The following HELZ2 variants were observed in gnomAD, a reference collection of about 807,000 sequenced individuals.
HELZ2 encodes the protein 3'-5' exoribonuclease HELZ2.
HELZ2 carries 143 observed loss-of-function variants against 208.8 expected under a neutral mutation model. The observed-to-expected ratio is 0.68, with a 90% CI of 0.60 to 0.79. The LOEUF is 0.79. HELZ2 is among the 30% of genes least tolerant of loss of function. HELZ2 has a pLI of 0.00. For synonymous variants in HELZ2, 1,705 were observed against 1,693.7 expected, an observed-to-expected ratio of 1.01 and a Z score of -0.16; for missense variants, 3,690 against 3,794.5, an observed-to-expected ratio of 0.97 and a Z score of 0.72.
intron 3 of HELZ2, chr20:63,570,190 C>A (rs1039390265): frequency 1.9e-6 from 1 of 522,436 alleles, no homozygotes; most frequent in East Asian, 5.1e-5. Context: ...GAACTCCCGA[C>A]CTCAGGTGAT....
In HELZ2 at chr20:63,569,117, ACCCCAGCTGCTCCTGTTGC is replaced by A. The variant is rs781037006; in HGVS notation, c.1088+12_1088+30del. The A allele has an allele frequency of 1.3e-6, 2 of 1,576,878 alleles. No homozygotes were observed. Among genetic ancestry groups the A allele is most frequent in the Non-Finnish European group, 8.6e-7 (1 of 1,163,554 alleles). Reference sequence around the variant, plus strand: ...TCCCATTGCCCCAGCTGCTCCTGCTACCCCAGCTGCTCCTGTTGCCCCCAGCTCACTTGGCCACCAGCTG... The same window carrying A: ...TCCCATTGCCCCAGCTGCTCCTGCTACCCCAGCTCACTTGGCCACCAGCTG... On this transcript the variant is annotated intron_variant, in intron 4 of 18. Transcript: ENST00000467148.
exon 8 of HELZ2, chr20:63,565,224 G>A: frequency 1.2e-6 from 2 of 1,608,232 alleles, no homozygotes; most frequent in South Asian, 1.1e-5. Flanking sequence ...GCCAGCTCGT[G>A]CCTCTTCCTC....
At chr20:63,566,636 G>T (rs2082962037) in intron 6 of HELZ2, among the ~76,000 whole-genome samples, 183 bp from the exon 8 acceptor site, 1 of 152,130 alleles carries the variant, frequency 6.6e-6, no homozygotes, top group Non-Finnish European at 1.5e-5. Flanking sequence ...ACGCAGTGAG[G>T]ACTGGGCCAC....
At chr20:63,560,895 G>A (rs1443072295) in exon 15 of HELZ2, 2 of 1,612,972 alleles carry the variant, frequency 1.2e-6, no homozygotes, top group Admixed American at 3.3e-5. Flanking sequence ...CTTGACCACA[G>A]GCCGCAGCTG....
exon 6 of HELZ2, chr20:63,567,455 G>T (rs369045635): frequency 1.3e-6 from 2 of 1,558,302 alleles, no homozygotes; most frequent in Non-Finnish European, 1.7e-6. Flanking sequence ...AGCTCTGCCC[G>T]TGTGGGCGGG....
At chr20:63,560,078 C>T (rs749001179) in exon 18 of HELZ2, 19 of 1,603,728 alleles carry the variant, frequency 1.2e-5, no homozygotes, top group Non-Finnish European at 1.6e-5. Context: ...CTCACCAGCA[C>T]ATAGCGCCAC....
rs930772516 is a variant in HELZ2 at position 63,562,454 on chromosome 20, C to G, written c.6302+66G>C. The stretch of plus-strand genomic sequence containing the variant: ...AGGGGCTGCTGCCCCACGAGCTCCC[C>G]CCTCCTGCAAGTGAGGGGCCCGGGG... On this transcript the variant is annotated intron_variant, in intron 8 of 18. Coordinates refer to ENST00000467148, the Ensembl canonical transcript of HELZ2. The G allele has an allele frequency of 1.0e-5, 16 of 1,528,112 alleles. No homozygotes were observed. The African/African-American group carries it at 1.7e-4, about 16-fold the overall frequency. The allele number at this position is 1,528,112 out of a possible 1,614,324, so 94.7% of individuals were successfully genotyped here.
In HELZ2 at chr20:63,566,329, C is replaced by T. The variant is rs76040767; in HGVS notation, c.2590+49G>A. On this transcript the variant is annotated intron_variant, in intron 7 of 18. Transcript: ENST00000467148. The stretch of plus-strand genomic sequence containing the variant: ...AGGCTGAGGAGTGGGCCGAGCCACC[C>T]GGGGTATCCTGGGGCAGCTGGCAGC... 3.4e-4 allele frequency: 515 copies of T among 1,532,266 alleles called. 7 individuals are homozygous for T. In the East Asian group the frequency reaches 0.01, roughly 30 times the overall value. 94.9% of individuals were successfully genotyped at this position (1,532,266 alleles called of 1,614,324 possible).
intron 3 of HELZ2, 160 bp downstream of exon 4, chr20:63,570,344 C>A: frequency 1.4e-6 from 1 of 723,074 alleles, no homozygotes. Flanking sequence ...GGTGAGGAGA[C>A]TGAGGCAGAG....
Position 63,561,504 on chromosome 20 carries a change from G to C in HELZ2, c.6837-38C>G, listed in dbSNP as rs1325017307. On this transcript the variant is annotated intron_variant, in intron 12 of 18. Transcript: ENST00000467148. Reference sequence around the variant, plus strand: ...ACACAGTGAGCCCTGTCCACGCAGGGCCATCACGGGGGCAGAGCTCAGTGA... The same window carrying C: ...ACACAGTGAGCCCTGTCCACGCAGGCCCATCACGGGGGCAGAGCTCAGTGA... 13 of 1,582,132 alleles carry C rather than the reference G, an allele frequency of 8.2e-6. No homozygotes were observed. The Middle Eastern group carries it at 8.4e-4, about 102-fold the overall frequency.
chr20:63,559,903 T>C lies in HELZ2; in HGVS notation c.7825+25A>G, dbSNP rs747368554. The C allele has an allele frequency of 7.5e-6, 11 of 1,462,378 alleles. No individual in the cohort carries two copies. In the South Asian group the frequency reaches 1.1e-4, roughly 15 times the overall value. 90.6% of individuals were successfully genotyped at this position (1,462,378 alleles called of 1,614,324 possible). A position where few individuals can be genotyped will look rare whatever the true frequency, so the allele number is the denominator to read the frequency against. On this transcript the variant is annotated intron_variant, in intron 18 of 18. Transcript: ENST00000467148. ...CCTGGCCTCACCTGTGTTCCCACCC[T>C]GGAAGAGCCCAGCCCCGCCCTCACC...
intron 18 of HELZ2, 57 bp downstream of exon 19, chr20:63,559,871 G>C: frequency 6.3e-7 from 1 of 1,575,764 alleles, no homozygotes; most frequent in Non-Finnish European, 8.6e-7. Flanking sequence ...CAGCTCCCTA[G>C]CCCAGCCCTG....
intron 6 of HELZ2, among the ~76,000 whole-genome samples, 154 bp downstream of exon 7, chr20:63,566,679 CCAGACACCTCA>C (rs1216164199): frequency 2.1e-4 from 32 of 151,300 alleles, no homozygotes; most frequent in African/African-American, 5.1e-4. Context: ...CCACCAAGCT[CCAGACACCTCA>C]GGGGCCGAGC....
At chr20:63,563,691 T>A in exon 8 of HELZ2, 1 of 1,581,716 alleles carries the variant, frequency 6.3e-7, no homozygotes. Context: ...TGCTGGAGGC[T>A]GAAGGCCTGG....
chr20:63,572,887 G>A (rs2083028810), upstream of HELZ2: 1 of 155,108 alleles, frequency 6.4e-6, no homozygotes, highest in South Asian at 1.9e-4. Context: ...TTGGGAAGGT[G>A]GGCCGGCAGC....
chr20:63,568,087 C>T, intron 5 of HELZ2: 1 of 564,314 alleles, frequency 1.8e-6, no homozygotes, highest in Non-Finnish European at 3.1e-6. Flanking sequence ...GACTCATCCC[C>T]AGAAGTCCTG....
At chr20:63,564,390 G>C (rs770874448) in exon 8 of HELZ2, 1 of 1,549,136 alleles carries the variant, frequency 6.5e-7, no homozygotes, top group Admixed American at 1.9e-5. Context: ...GAGTCCAGGC[G>C]GGCCGGCAGC....
chr20:63,559,963 GCCA>G, exon 18 of HELZ2: 1 of 1,611,834 alleles, frequency 6.2e-7, no homozygotes, highest in Non-Finnish European at 8.5e-7. Flanking sequence ...CCGCGTGACA[GCCA>G]CATTCACTTG....
chr20:63,559,458 T>TCGG, intron 18 of HELZ2, 88 bp from the exon 20 acceptor site: 1 of 946,500 alleles, frequency 1.1e-6, no homozygotes, highest in South Asian at 2.5e-5. Flanking sequence ...CAGGTGGGAG[T>TCGG]CAGTCAGGGT....
Sources: allele counts gnomAD v4.1 joint callset (sites outside exome capture counted in the v4.1 genomes callset), GRCh38; gene constraint gnomAD v4.1.1; transcripts MANE v1.5; gene names NCBI Gene and HGNC (gene_info 2026-07-23, HGNC 2026-07-21).